LARGE1: variants seen among roughly 807,000 people sequenced by gnomAD.
LARGE1 encodes the protein xylosyl- and glucuronyltransferase LARGE1.
LARGE1 carries 43 observed loss-of-function variants against 87.6 expected under a neutral mutation model. That is an observed-to-expected ratio of 0.49 (90% CI 0.38 to 0.63). LARGE1 has a LOEUF of 0.63. LARGE1 is among the 30% of genes least tolerant of loss of function. The pLI is 0.00. For missense variants in LARGE1, 802 were observed against 1,000.2 expected, an observed-to-expected ratio of 0.80 and a Z score of 2.67; for synonymous variants, 434 against 394.6, an observed-to-expected ratio of 1.10 and a Z score of -1.18.
intron 9 of LARGE1, among the ~76,000 whole-genome samples, chr22:33,352,501 C>G (rs1300642305): frequency 2.0e-5 from 3 of 152,096 alleles, no homozygotes; most frequent in Admixed American, 2.0e-4. Context: ...TGCCTGTAAT[C>G]CCAGCACTCT....
downstream of LARGE1, among the ~76,000 whole-genome samples, chr22:33,272,304 T>C (rs901212971): frequency 4.6e-5 from 7 of 152,182 alleles, no homozygotes; most frequent in African/African-American, 1.2e-4. Context: ...TCTGTATCTG[T>C]GTATCTGTCT....
At chr22:33,830,424 C>G (rs3819667) in intron 1 of LARGE1, among the ~76,000 whole-genome samples, 29,849 of 152,036 alleles carry the variant, frequency 0.2, 3,366 homozygotes, top group Admixed American at 0.34. Flanking sequence ...ATTTCCTCCA[C>G]GAGAGGCAGG....
intron 2 of LARGE1, among the ~76,000 whole-genome samples, chr22:33,659,672 G>A (rs1358469744): frequency 6.7e-6 from 1 of 148,376 alleles, no homozygotes; most frequent in Non-Finnish European, 1.5e-5. Flanking sequence ...AGTTATCTTT[G>A]GCAACCAAAG....
intron 11 of LARGE1, among the ~76,000 whole-genome samples, chr22:33,168,068 G>A (rs1343106123): frequency 6.6e-6 from 1 of 152,156 alleles, no homozygotes; most frequent in Non-Finnish European, 1.5e-5. Context: ...ACTTTCTCCA[G>A]GAGTTCTTTC....
intron 1 of LARGE1, among the ~76,000 whole-genome samples, chr22:33,912,929 C>T (rs190822634): frequency 6.6e-6 from 1 of 151,618 alleles, no homozygotes; most frequent in South Asian, 2.1e-4. Context: ...CTCTGGAGTT[C>T]AAGTGACTCT....
the LARGE1 span, among the ~76,000 whole-genome samples, chr22:33,118,055 C>T: frequency 2.0e-5 from 3 of 151,998 alleles, no homozygotes; most frequent in Admixed American, 6.5e-5. Context: ...TGCACCAAGG[C>T]AGAGAGAAAG....
chr22:33,471,831 T>G (rs1406459290), intron 6 of LARGE1, among the ~76,000 whole-genome samples: 1 of 152,114 alleles, frequency 6.6e-6, no homozygotes, highest in South Asian at 2.1e-4. Flanking sequence ...TCAGGAGTTC[T>G]AGACCAGCCT....
At chr22:33,413,717 G>A (rs1040182020) in intron 7 of LARGE1, among the ~76,000 whole-genome samples, 4 of 151,868 alleles carry the variant, frequency 2.6e-5, no homozygotes, top group South Asian at 2.1e-4. Flanking sequence ...TGCCCGCCTC[G>A]GCCTCCCAAA....
chr22:33,163,878 A>G (rs1214233475), exon 12 of LARGE1: 1 of 152,244 alleles, frequency 6.6e-6, no homozygotes, highest in Non-Finnish European at 1.5e-5. Context: ...TCCATGCTTA[A>G]TTGTGTGGGC....
At chr22:33,774,761 T>G (rs372767882) in intron 1 of LARGE1, among the ~76,000 whole-genome samples, 11 of 152,240 alleles carry the variant, frequency 7.2e-5, no homozygotes, top group Admixed American at 2.6e-4. Context: ...TTAGTTCTTT[T>G]TCTCATCTTG....
chr22:33,693,859 G>A (rs2149345846), intron 2 of LARGE1, among the ~76,000 whole-genome samples: 1 of 152,144 alleles, frequency 6.6e-6, no homozygotes, highest in Admixed American at 6.5e-5. Context: ...AGAGAAAAAA[G>A]AAAAGAAAAC....
At chr22:33,485,658 CTT>C (rs1312404220) in intron 6 of LARGE1, among the ~76,000 whole-genome samples, 1 of 152,192 alleles carries the variant, frequency 6.6e-6, no homozygotes, top group Admixed American at 6.5e-5. Context: ...TTTTTAAACT[CTT>C]GTCCTGATTT....
intron 2 of LARGE1, among the ~76,000 whole-genome samples, chr22:33,670,860 C>T (rs2267249): frequency 0.49 from 75,101 of 152,012 alleles, 20,608 homozygotes; most frequent in African/African-American, 0.75. Context: ...TTATATGTAT[C>T]CTTTTTTTCA....
intron 11 of LARGE1, among the ~76,000 whole-genome samples, chr22:33,167,709 G>C (rs1049946676): frequency 6.6e-6 from 1 of 152,148 alleles, no homozygotes; most frequent in African/African-American, 2.4e-5. Context: ...TAACCATAGT[G>C]TTTTTGATTA....
intron 1 of LARGE1, among the ~76,000 whole-genome samples, chr22:33,880,671 C>T (rs1019663149): frequency 6.6e-6 from 1 of 152,170 alleles, no homozygotes; most frequent in African/African-American, 2.4e-5. Flanking sequence ...TTTGCTAAAC[C>T]TCCCAGCCAT....
chr22:33,284,127 C>A (rs1417518144), intron 12 of LARGE1, among the ~76,000 whole-genome samples: 1 of 152,126 alleles, frequency 6.6e-6, no homozygotes, highest in African/African-American at 2.4e-5. Flanking sequence ...TCAGTGTGTG[C>A]TCCTGCCAGC....
At chr22:33,444,863 T>C (rs889032723) in intron 6 of LARGE1, among the ~76,000 whole-genome samples, 2 of 152,112 alleles carry the variant, frequency 1.3e-5, no homozygotes, top group Non-Finnish European at 1.5e-5. Flanking sequence ...GTTGTCTTGT[T>C]CTGTCACCTA....
the LARGE1 span, among the ~76,000 whole-genome samples, chr22:33,117,483 C>G: frequency 0.069 from 10,365 of 150,220 alleles, 505 homozygotes; most frequent in Middle Eastern, 0.15. Context: ...AGCTTAATCT[C>G]TTTGAACAGC....
chr22:33,406,122 T>C (rs1459347231), intron 7 of LARGE1, among the ~76,000 whole-genome samples: 2 of 152,196 alleles, frequency 1.3e-5, no homozygotes, highest in African/African-American at 2.4e-5. Context: ...AATCTGATGA[T>C]ACATTCTCAT....
Sources: gnomAD v4.1 joint callset for allele counts (sites outside exome capture counted in the v4.1 genomes callset) on GRCh38, gnomAD v4.1.1 for gene constraint, MANE v1.5 for transcripts, NCBI Gene and HGNC (gene_info 2026-07-23, HGNC 2026-07-21) for gene names.